Variants in TRPM3 observed in about 807,000 individuals in gnomAD.
TRPM3 encodes transient receptor potential cation channel subfamily M member 3, also known as long transient receptor potential channel 3.
Under a neutral mutation model 181.2 loss-of-function variants are expected in TRPM3, and 77 were observed. That is an observed-to-expected ratio of 0.42 (90% CI 0.35 to 0.51). The LOEUF is 0.51. Among genes scored for constraint, TRPM3 ranks in the 20% least tolerant of loss-of-function variants. The probability of loss-of-function intolerance (pLI) is 0.01; values close to 1 mark genes in which losing one functional copy is unlikely to be tolerated. For missense variants in TRPM3, 1,759 were observed against 2,196.7 expected (o/e 0.80, Z 3.98); for synonymous variants, 745 against 796.4 (o/e 0.94, Z 1.09).
intron 9 of TRPM3, among the ~76,000 whole-genome samples, chr9:70,680,695 A>T (rs1241332504): frequency 6.6e-6 from 1 of 152,236 alleles, no homozygotes; most frequent in African/African-American, 2.4e-5. Context: ...ACCACATTCA[A>T]CAAGTCTGTG....
intron 1 of TRPM3, among the ~76,000 whole-genome samples, chr9:71,258,468 T>G (rs1057021426): frequency 1.3e-5 from 2 of 152,218 alleles, no homozygotes; most frequent in African/African-American, 4.8e-5. Flanking sequence ...TTTACATTAC[T>G]GAGAATGAAT....
At chr9:71,323,503 T>C (rs2089427367) in intron 1 of TRPM3, among the ~76,000 whole-genome samples, 1 of 152,130 alleles carries the variant, frequency 6.6e-6, no homozygotes, top group Non-Finnish European at 1.5e-5. Context: ...AGAATTATAC[T>C]AGATATGCTT....
intron 9 of TRPM3, among the ~76,000 whole-genome samples, chr9:70,672,014 C>A (rs2134087749): frequency 6.6e-6 from 1 of 151,682 alleles, no homozygotes; most frequent in South Asian, 2.1e-4. Context: ...AAATGATCTG[C>A]CTGCCTCGGC....
chr9:71,063,103 C>T (rs1324558026), intron 1 of TRPM3, among the ~76,000 whole-genome samples: 1 of 152,084 alleles, frequency 6.6e-6, no homozygotes, highest in South Asian at 2.1e-4. Flanking sequence ...ACTGTATCTC[C>T]TATCTCTAGA....
chr9:71,163,817 G>A (rs1011760457), intron 1 of TRPM3, among the ~76,000 whole-genome samples: 1 of 152,136 alleles, frequency 6.6e-6, no homozygotes, highest in African/African-American at 2.4e-5. Flanking sequence ...ACAGATCCTG[G>A]AAAGAGGGAT....
In TRPM3 at chr9:70,619,073, C is replaced by G. The variant is rs1229127567; in HGVS notation, c.2152G>C (p.Glu718Gln). The stretch of plus-strand genomic sequence containing the variant: ...TGCTTGTAGGACTGGTCCAGGAGCT[C>G]CACAGCCAGCTGGCCAAAGTCTCTG... ...NSRDFGQLAVELLDQSYKQDE... is the reference protein window; with the variant it reads ...NSRDFGQLAVQLLDQSYKQDE... The change falls in exon 17 of 26, where the codon GAG becomes CAG. Residue 718 changes from glutamate to glutamine, a missense_variant. Glu to Gln is a conservative substitution (Grantham distance 29, BLOSUM62 2). Coordinates refer to ENST00000677713, the MANE Select transcript of TRPM3 (RefSeq NM_001366145.2). 6.2e-7 allele frequency: 1 copy of G among 1,613,528 alleles called. No individual in the cohort carries two copies. Among genetic ancestry groups the G allele is most frequent in the African/African-American group, 1.3e-5 (1 of 75,016 alleles).
At chr9:70,994,103 G>A (rs977264107) in intron 1 of TRPM3, among the ~76,000 whole-genome samples, 1 of 152,156 alleles carries the variant, frequency 6.6e-6, no homozygotes, top group Non-Finnish European at 1.5e-5. Flanking sequence ...CACAGAGAAC[G>A]TATTTGGAAT....
intron 1 of TRPM3, among the ~76,000 whole-genome samples, chr9:71,108,692 C>T (rs1179713144): frequency 6.6e-6 from 1 of 152,136 alleles, no homozygotes; most frequent in East Asian, 1.9e-4. Context: ...CCAAGAGAGG[C>T]AGAAATGAGA....
At chr9:70,615,772 G>T in intron 18 of TRPM3, 136 bp downstream of exon 18, 3 of 851,908 alleles carry the variant, frequency 3.5e-6, no homozygotes, top group Non-Finnish European at 3.6e-6. Flanking sequence ...TGAAATGAAA[G>T]CACTCCATGA....
intron 1 of TRPM3, among the ~76,000 whole-genome samples, chr9:70,923,243 A>G (rs1422435152): frequency 1.3e-5 from 2 of 152,300 alleles, no homozygotes; most frequent in Middle Eastern, 3.4e-3. Flanking sequence ...ATGGCGTTTT[A>G]CACTTTTTAA....
chr9:70,920,651 C>A (rs1466661297), intron 1 of TRPM3, among the ~76,000 whole-genome samples: 1 of 151,958 alleles, frequency 6.6e-6, no homozygotes, highest in Non-Finnish European at 1.5e-5. Context: ...AAACTCCCAG[C>A]ATGAATAATG....
chr9:71,371,564 AT>A (rs909677741), intron 1 of TRPM3, among the ~76,000 whole-genome samples: 1 of 152,206 alleles, frequency 6.6e-6, no homozygotes, highest in Non-Finnish European at 1.5e-5. Flanking sequence ...ATTTGAATAG[AT>A]AAGGAATTGC....
intron 5 of TRPM3, among the ~76,000 whole-genome samples, chr9:70,831,432 C>T (rs1445611162): frequency 2.9e-5 from 4 of 139,532 alleles, no homozygotes; most frequent in Admixed American, 7.6e-5. Flanking sequence ...GTGGTAAGAA[C>T]AATTTGATGT....
At chr9:70,902,178 C>T (rs1210769719) in intron 1 of TRPM3, among the ~76,000 whole-genome samples, 1 of 152,200 alleles carries the variant, frequency 6.6e-6, no homozygotes, top group Non-Finnish European at 1.5e-5. Context: ...CCAAATTAAC[C>T]ATCCTTGCAA....
At position 70,625,666 on chromosome 9, in the gene TRPM3, C is replaced by T; in HGVS notation, c.1633-149G>A. Reference sequence around the variant, plus strand: ...CAAGGCTAGACAGGGCAAATGCTATCACTCCCAGGCACTAGGAACTAGGTT... The same window carrying T: ...CAAGGCTAGACAGGGCAAATGCTATTACTCCCAGGCACTAGGAACTAGGTT... On this transcript the variant is annotated intron_variant, in intron 12 of 25. Transcript: ENST00000677713. The surrounding 1 kb of genome is among the most constrained non-coding windows in gnomAD (Gnocchi z 4.8). 1 of 742,184 alleles carries T rather than the reference C, an allele frequency of 1.3e-6. No individual in the cohort carries two copies. The highest frequency in any genetic ancestry group is 2.2e-6 in the Non-Finnish European group (1 of 454,544). 46.0% of individuals were successfully genotyped at this position (742,184 alleles called of 1,614,324 possible).
intron 1 of TRPM3, among the ~76,000 whole-genome samples, chr9:71,382,485 T>C (rs2092824091): frequency 6.6e-6 from 1 of 152,164 alleles, no homozygotes; most frequent in South Asian, 2.1e-4. Flanking sequence ...GTGGGATATT[T>C]ACAATTGAAT....
At chr9:71,050,108 C>G (rs576036378) in intron 1 of TRPM3, among the ~76,000 whole-genome samples, 3 of 152,064 alleles carry the variant, frequency 2.0e-5, no homozygotes, top group Admixed American at 2.0e-4. Flanking sequence ...TGCTCAAAAG[C>G]CTTATTGTCT....
At chr9:71,182,372 G>T (rs2077454283) in intron 1 of TRPM3, among the ~76,000 whole-genome samples, 1 of 152,030 alleles carries the variant, frequency 6.6e-6, no homozygotes, top group Admixed American at 6.6e-5. Flanking sequence ...ATGAAAAATG[G>T]CCCTCCAGGG....
intron 1 of TRPM3, among the ~76,000 whole-genome samples, chr9:71,425,157 G>A (rs2093841736): frequency 6.6e-6 from 1 of 151,844 alleles, no homozygotes; most frequent in Admixed American, 6.6e-5. Context: ...AAATCCACAA[G>A]GCTCTTTCCT....
Sources: gnomAD v4.1 joint callset for allele counts (sites outside exome capture counted in the v4.1 genomes callset) on GRCh38, gnomAD v4.1.1 for gene constraint, Gnocchi (gnomAD v3.1) non-coding constraint, MANE v1.5 for transcripts, NCBI Gene and HGNC (gene_info 2026-07-23, HGNC 2026-07-21) for gene names.